KCNH7: variants seen among roughly 807,000 people sequenced by gnomAD.
KCNH7 encodes the protein voltage-gated inwardly rectifying potassium channel KCNH7.
Under a neutral mutation model 120.8 loss-of-function variants are expected in KCNH7, and 49 were observed. The observed-to-expected ratio is 0.41, with a 90% CI of 0.32 to 0.51. The LOEUF (loss-of-function observed/expected upper bound fraction) is 0.51. Among genes scored for constraint, KCNH7 ranks in the 20% least tolerant of loss-of-function variants. KCNH7 has a pLI of 0.38. For missense variants in KCNH7, 1,097 were observed against 1,446.6 expected (o/e 0.76, Z 3.92); for synonymous variants, 547 against 516.1 (o/e 1.06, Z -0.81).
intron 2 of KCNH7, among the ~76,000 whole-genome samples, chr2:162,763,023 C>G (rs1214270492): frequency 6.6e-6 from 1 of 152,012 alleles, no homozygotes; most frequent in Non-Finnish European, 1.5e-5. Flanking sequence ...ATGGATAGAA[C>G]AGAGATAATG....
At chr2:162,420,445 T>A (rs1242925855) in intron 9 of KCNH7, among the ~76,000 whole-genome samples, 1 of 152,128 alleles carries the variant, frequency 6.6e-6, no homozygotes, top group Non-Finnish European at 1.5e-5. Context: ...CTGGCTTCAT[T>A]ATTCTGGCCC....
intron 6 of KCNH7, among the ~76,000 whole-genome samples, chr2:162,455,341 AT>A (rs1197218090): frequency 6.6e-6 from 1 of 152,122 alleles, no homozygotes; most frequent in Non-Finnish European, 1.5e-5. Context: ...GTTTGCCAGT[AT>A]TTTATAGAGG....
At chr2:162,675,858 C>A (rs1333117172) in intron 2 of KCNH7, among the ~76,000 whole-genome samples, 1 of 151,072 alleles carries the variant, frequency 6.6e-6, no homozygotes, top group East Asian at 1.9e-4. Flanking sequence ...AAAAAATAAG[C>A]AAAATTTTGT....
At chr2:162,490,685 G>A (rs922692239) in intron 6 of KCNH7, among the ~76,000 whole-genome samples, 2 of 152,114 alleles carry the variant, frequency 1.3e-5, no homozygotes, top group Non-Finnish European at 2.9e-5. Flanking sequence ...TGCTAGATAG[G>A]ACCCCAACAA....
chr2:162,559,877 T>C (rs1693001965), intron 2 of KCNH7, among the ~76,000 whole-genome samples: 1 of 152,222 alleles, frequency 6.6e-6, no homozygotes, highest in South Asian at 2.1e-4. Context: ...GAGTTCTGAA[T>C]TATGTGAGCA....
At chr2:162,823,782 A>C (rs927691671) in intron 2 of KCNH7, among the ~76,000 whole-genome samples, 5 of 152,160 alleles carry the variant, frequency 3.3e-5, no homozygotes, top group Non-Finnish European at 7.4e-5. Context: ...AAAGTGGTTA[A>C]AAGAGCAGGC....
At chr2:162,648,745 T>C (rs975757422) in intron 2 of KCNH7, among the ~76,000 whole-genome samples, 1 of 152,148 alleles carries the variant, frequency 6.6e-6, no homozygotes, top group African/African-American at 2.4e-5. Flanking sequence ...GAGTCTTAAA[T>C]ATTTACTATC....
At chr2:162,780,598 C>A (rs1048820020) in intron 2 of KCNH7, among the ~76,000 whole-genome samples, 2 of 152,114 alleles carry the variant, frequency 1.3e-5, no homozygotes, top group African/African-American at 4.8e-5. Flanking sequence ...TTAGACTCTG[C>A]AAAATCGTTT....
In KCNH7 at chr2:162,371,618, T is replaced by G; in HGVS notation, c.*211A>C. On this transcript the variant is annotated 3_prime_UTR_variant, in exon 16 of 16. Coordinates refer to ENST00000332142, the MANE Select transcript of KCNH7 (RefSeq NM_033272.4). ...TAAGGTGCCGTGAGATGCTGGCAGTTTTAACATTTGGAACCAAAAGTTCTT... is the reference window on the plus strand; with the variant it reads ...TAAGGTGCCGTGAGATGCTGGCAGTGTTAACATTTGGAACCAAAAGTTCTT... 2 of 817,752 alleles carry G rather than the reference T, an allele frequency of 2.4e-6. No individual in the cohort carries two copies. 50.7% of individuals were successfully genotyped at this position (817,752 alleles called of 1,614,324 possible). A position where few individuals can be genotyped will look rare whatever the true frequency, so the allele number is the denominator to read the frequency against.
At chr2:162,768,778 G>A (rs1251715040) in intron 2 of KCNH7, among the ~76,000 whole-genome samples, 2 of 138,118 alleles carry the variant, frequency 1.4e-5, no homozygotes, top group African/African-American at 6.0e-5. Flanking sequence ...GGTTCCCCAT[G>A]TCGAATCGCC....
intron 2 of KCNH7, among the ~76,000 whole-genome samples, chr2:162,573,948 C>G (rs946355779): frequency 6.6e-6 from 1 of 151,754 alleles, no homozygotes; most frequent in Non-Finnish European, 1.5e-5. Context: ...ATAAAAATCA[C>G]GAATATGTTA....
At chr2:162,732,492 T>TA in intron 2 of KCNH7, among the ~76,000 whole-genome samples, 1 of 152,114 alleles carries the variant, frequency 6.6e-6, no homozygotes, top group South Asian at 2.1e-4. Context: ...TGGTTAAAGA[T>TA]AGAGTGCTTT....
At chr2:162,547,597 C>T (rs1692522730) in intron 2 of KCNH7, among the ~76,000 whole-genome samples, 1 of 152,120 alleles carries the variant, frequency 6.6e-6, no homozygotes, top group African/African-American at 2.4e-5. Context: ...TAAATATCCC[C>T]ATTTTATAGA....
At chr2:162,810,834 T>C (rs1684709558) in intron 2 of KCNH7, among the ~76,000 whole-genome samples, 1 of 152,142 alleles carries the variant, frequency 6.6e-6, no homozygotes, top group African/African-American at 2.4e-5. Flanking sequence ...AAACTTAGTG[T>C]CCTAGTTTAT....
chr2:162,469,688 CCCCTCT>C (rs989720587), intron 6 of KCNH7, among the ~76,000 whole-genome samples: 7 of 151,850 alleles, frequency 4.6e-5, no homozygotes, highest in East Asian at 2.0e-4. Context: ...CCTCCCCCTC[CCCCTCT>C]CCCTCTCCCT....
chr2:162,396,979 G>A, intron 10 of KCNH7, 34 bp from the exon 11 acceptor site: 1 of 1,441,602 alleles, frequency 6.9e-7, no homozygotes, highest in Non-Finnish European at 9.7e-7. Context: ...GGCGGGGAAA[G>A]GGAATCCAAA....
chr2:162,683,710 G>A (rs539701042), intron 2 of KCNH7, among the ~76,000 whole-genome samples: 1 of 151,960 alleles, frequency 6.6e-6, no homozygotes, highest in African/African-American at 2.4e-5. Flanking sequence ...TTTAGTACTT[G>A]TTGGGTGCCT....
chr2:162,666,362 C>A (rs918618932), intron 2 of KCNH7, among the ~76,000 whole-genome samples: 2 of 148,504 alleles, frequency 1.3e-5, no homozygotes, highest in Non-Finnish European at 3.0e-5. Flanking sequence ...AAATTCTGCC[C>A]CCCGCCCCTC....
intron 2 of KCNH7, among the ~76,000 whole-genome samples, chr2:162,835,761 G>A (rs1336667402): frequency 6.6e-6 from 1 of 151,988 alleles, no homozygotes; most frequent in Non-Finnish European, 1.5e-5. Flanking sequence ...TCTATTACAT[G>A]TGTAATTTTT....
Sources: allele counts gnomAD v4.1 joint callset (sites outside exome capture counted in the v4.1 genomes callset), GRCh38; gene constraint gnomAD v4.1.1; transcripts MANE v1.5; gene names NCBI Gene and HGNC (gene_info 2026-07-23, HGNC 2026-07-21).